Variants in MME observed in about 807,000 individuals in gnomAD.
The protein encoded by MME is membrane metalloendopeptidase.
A neutral mutation model predicts 113.2 loss-of-function variants in MME; 98 were observed. That is an observed-to-expected ratio of 0.87 (90% CI 0.74 to 1.02). The LOEUF is 1.02. Among genes scored for constraint, MME ranks in the 50% least tolerant of loss-of-function variants. MME has a pLI of 0.00. For missense variants in MME, 836 were observed against 896.0 expected, an observed-to-expected ratio of 0.93 and a Z score of 0.86; for synonymous variants, 292 against 300.6, an observed-to-expected ratio of 0.97 and a Z score of 0.30.
rs1713284643 is a variant in MME at position 155,183,421 on chromosome 3, C to G, written c.*2962C>G. 6.6e-6 allele frequency: 1 copy of G among 152,170 alleles called. No individual in the cohort carries two copies. Among genetic ancestry groups the G allele is most frequent in the Non-Finnish European group, 1.5e-5 (1 of 68,042 alleles). 9.4% of individuals were successfully genotyped at this position (152,170 alleles called of 1,614,324 possible). ...AAACTGAAAACTCCCATTTACGTGT[C>G]TGAATCGAGTGAGACAAAATTTTAG... On this transcript the variant is annotated 3_prime_UTR_variant, in exon 23 of 23. Transcript: ENST00000360490.
intron 16 of MME, among the ~76,000 whole-genome samples, chr3:155,155,700 G>T (rs1398118041): frequency 2.0e-5 from 3 of 152,164 alleles, no homozygotes; most frequent in Non-Finnish European, 2.9e-5. Flanking sequence ...ACAGGTTTCA[G>T]TTCTTTCCTG....
chr3:155,169,635 G>A (rs909394474), intron 20 of MME, among the ~76,000 whole-genome samples: 1 of 152,176 alleles, frequency 6.6e-6, no homozygotes, highest in African/African-American at 2.4e-5. Flanking sequence ...TCTCAACTAT[G>A]AAGTAGCCCA....
intron 22 of MME, among the ~76,000 whole-genome samples, chr3:155,175,419 A>G (rs894061201): frequency 1.3e-5 from 2 of 151,988 alleles, no homozygotes; most frequent in African/African-American, 4.8e-5. Flanking sequence ...TTAATAGTCT[A>G]GAAATTGAAT....
intron 22 of MME, among the ~76,000 whole-genome samples, chr3:155,175,825 A>G (rs889869841): frequency 3.3e-5 from 5 of 152,262 alleles, no homozygotes; most frequent in African/African-American, 1.2e-4. Flanking sequence ...TTAGCATGCT[A>G]ATAAGCCCTC....
intron 1 of MME, among the ~76,000 whole-genome samples, chr3:155,030,415 T>G (rs939878443): frequency 6.6e-6 from 1 of 152,200 alleles, no homozygotes; most frequent in Non-Finnish European, 1.5e-5. Context: ...TTGTTTTTGT[T>G]GTTGTTGTTG....
At chr3:155,053,419 T>G (rs1335898083) in intron 1 of MME, among the ~76,000 whole-genome samples, 1 of 152,196 alleles carries the variant, frequency 6.6e-6, no homozygotes, top group East Asian at 1.9e-4. Flanking sequence ...AGGCACGTCT[T>G]CCATGGTGGC....
At chr3:155,124,426 G>A (rs754421753) in intron 8 of MME, among the ~76,000 whole-genome samples, 5,612 of 151,760 alleles carry the variant, frequency 0.037, 143 homozygotes, top group Middle Eastern at 0.086. Flanking sequence ...GCTCGTCAAA[G>A]TCATTCTCCA....
At position 155,168,693 on chromosome 3, in the gene MME, C is replaced by G. The variant is rs201548174; in HGVS notation, c.1915-39C>G. The G allele has an allele frequency of 2.5e-6, 4 of 1,611,712 alleles. No homozygotes were observed. The Admixed American group carries it at 6.7e-5, about 27-fold the overall frequency. ...ATCTTAAGTGTATTATTGGTGGTTT[C>G]TTTTTTTAACAATCCTAATAAAGTG... On this transcript the variant is annotated intron_variant, in intron 19 of 22. Coordinates refer to ENST00000360490, the MANE Select transcript of MME (RefSeq NM_007289.4).
chr3:155,071,212 G>A (rs926254236), intron 1 of MME, among the ~76,000 whole-genome samples: 12 of 152,246 alleles, frequency 7.9e-5, no homozygotes, highest in African/African-American at 2.9e-4. Flanking sequence ...GTGTTGCTGG[G>A]ATGAAACACA....
rs979892910 is a variant in MME at position 155,138,365 on chromosome 3, A to G, written c.855+129A>G. ...AGTAGTAAAAATGCATGGCTTGGTAATAGATCATTGACTTCAAAAGGACCT... is the reference window on the plus strand; with the variant it reads ...AGTAGTAAAAATGCATGGCTTGGTAGTAGATCATTGACTTCAAAAGGACCT... On this transcript the variant is annotated intron_variant, in intron 9 of 22. Transcript: ENST00000360490. The G allele has an allele frequency of 1.3e-5, 12 of 917,442 alleles. 1 individual carries two copies. The highest frequency in any genetic ancestry group is 3.2e-4 in the Middle Eastern group (1 of 3,078). The allele number at this position is 917,442 out of a possible 1,614,324, so 56.8% of individuals were successfully genotyped here.
At chr3:155,159,617 A>T (rs1181025523) in intron 16 of MME, among the ~76,000 whole-genome samples, 2 of 151,672 alleles carry the variant, frequency 1.3e-5, no homozygotes, top group Non-Finnish European at 2.9e-5. Flanking sequence ...TCTGGGAGCC[A>T]TTTTTTTCCA....
chr3:155,027,783 C>A (rs183548015), intron 1 of MME, among the ~76,000 whole-genome samples: 63 of 152,262 alleles, frequency 4.1e-4, no homozygotes, highest in African/African-American at 1.5e-3. Context: ...AGATTAGGTG[C>A]TTTTTAAACT....
rs565309021 is a variant in MME, at chr3:155,061,175, G to A, written c.-10-22983G>A. Among the ~76,000 whole-genome samples the A allele has an allele frequency of 6.6e-5, 10 of 152,258 alleles. No individual in the cohort carries two copies. In the East Asian group the frequency reaches 1.4e-3, roughly 21 times the overall value. On this transcript the variant is annotated intron_variant, in intron 1 of 22. Coordinates refer to the MME transcript ENST00000492661. ...GTATAAATTAAAAGTATCGCCGGGC[G>A]GGCGCGGTGGCTCACGCCTGTAATC...
At chr3:155,091,896 C>T (rs1412677899) in intron 3 of MME, among the ~76,000 whole-genome samples, 3 of 152,098 alleles carry the variant, frequency 2.0e-5, no homozygotes, top group East Asian at 1.9e-4. Flanking sequence ...AACTAGAATA[C>T]GTTCTTTCTG....
chr3:155,128,026 C>T (rs1014176667), intron 8 of MME, among the ~76,000 whole-genome samples: 2 of 152,224 alleles, frequency 1.3e-5, no homozygotes, highest in Non-Finnish European at 2.9e-5. Flanking sequence ...TCTTCCATAA[C>T]TATGTACTTT....
chr3:155,166,939 T>A lies in MME; in HGVS notation c.1698T>A (p.Ser566Arg). The A allele has an allele frequency of 6.2e-7, 1 of 1,613,734 alleles. No homozygotes were observed. The highest frequency in any genetic ancestry group is 1.1e-5 in the South Asian group (1 of 91,078). Residue 566 changes from serine (S) to arginine (R), a missense_variant, in exon 18 of 23, where the codon AGT (serine) becomes AGA (arginine). Ser to Arg is a moderately radical substitution (Grantham distance 110). Coordinates refer to ENST00000360490, the MANE Select transcript of MME (RefSeq NM_007289.4). ...PAGILQPPFF[S>R]AQQSNSLNYG... ...GCATTCTGCAGCCCCCCTTCTTTAGTGCCCAGCAGTCCAACTCATTGAACT... is the reference window on the plus strand; with the variant it reads ...GCATTCTGCAGCCCCCCTTCTTTAGAGCCCAGCAGTCCAACTCATTGAACT...
chr3:155,123,410 C>CCATTTA (rs1719323101), intron 8 of MME, among the ~76,000 whole-genome samples: 1 of 103,840 alleles, frequency 9.6e-6, no homozygotes, highest in African/African-American at 3.7e-5. Flanking sequence ...AGCATTTAGT[C>CCATTTA]CATTTACATT....
Position 155,172,567 on chromosome 3 carries a change from C to A in MME, c.2108C>A (p.Ala703Glu). The A allele has an allele frequency of 6.2e-7, 1 of 1,612,680 alleles. No individual in the cohort carries two copies. Among genetic ancestry groups the A allele is most frequent in the Non-Finnish European group, 8.5e-7 (1 of 1,178,960 alleles). The change falls in exon 22 of 23, where the codon GCG (alanine) becomes GAG (glutamate). Residue 703 changes from alanine to glutamate, a missense_variant. Coordinates refer to ENST00000360490, the MANE Select transcript of MME (RefSeq NM_007289.4). ...TGTGGAACCTATAGGCCAGAGTATGCGGTTAACTCCATTAAAACAGATGTG... is the reference window on the plus strand; with the variant it reads ...TGTGGAACCTATAGGCCAGAGTATGAGGTTAACTCCATTAAAACAGATGTG... ...VWCGTYRPEY[A>E]VNSIKTDVHS... is the part of the protein sequence containing the mutation.
In MME at chr3:155,180,498, C is replaced by G. The variant is rs1329439012; in HGVS notation, c.*39C>G. ...CATTGCAGCCCTTGGCTAGACTTGCCAACACCACAGAAATGGGGAATTCTC... is the reference window on the plus strand; with the variant it reads ...CATTGCAGCCCTTGGCTAGACTTGCGAACACCACAGAAATGGGGAATTCTC... On this transcript the variant is annotated 3_prime_UTR_variant, in exon 23 of 23. Coordinates refer to ENST00000360490, the MANE Select transcript of MME (RefSeq NM_007289.4). The G allele has an allele frequency of 6.8e-7, 1 of 1,470,748 alleles. No individual in the cohort carries two copies. Among genetic ancestry groups the G allele is most frequent in the Non-Finnish European group, 9.5e-7 (1 of 1,049,798 alleles). The allele number at this position is 1,470,748 out of a possible 1,614,324, so 91.1% of individuals were successfully genotyped here.
Sources: gnomAD v4.1 joint callset for allele counts (sites outside exome capture counted in the v4.1 genomes callset) on GRCh38, gnomAD v4.1.1 for gene constraint, MANE v1.5 for transcripts, NCBI Gene and HGNC (gene_info 2026-07-23, HGNC 2026-07-21) for gene names.